ZNF195: variants seen among roughly 807,000 people sequenced by gnomAD.
ZNF195 encodes the protein hypoxia-regulated factor-1.
ZNF195 carries 11 observed loss-of-function variants against 19.5 expected under a neutral mutation model. The observed-to-expected ratio is 0.57, with a 90% confidence interval of 0.36 to 0.94. ZNF195 has a LOEUF of 0.94. Among genes scored for constraint, ZNF195 ranks in the 40% least tolerant of loss-of-function variants. The pLI, the probability that ZNF195 is intolerant of heterozygous loss-of-function variation, is 0.01. For synonymous variants in ZNF195, 214 were observed against 248.1 expected (o/e 0.86, Z 1.29); for missense variants, 582 against 709.0 (o/e 0.82, Z 2.03).
intron 3 of ZNF195, chr11:3,369,647 G>C (rs1192078228): frequency 3.4e-6 from 1 of 296,698 alleles, no homozygotes; most frequent in Non-Finnish European, 7.2e-6. Context: ...CAAAGACAGA[G>C]ACTGCACGTT....
chr11:3,376,391 G>T (rs1208537806), intron 1 of ZNF195, among the ~76,000 whole-genome samples: 4 of 152,078 alleles, frequency 2.6e-5, no homozygotes, highest in Admixed American at 1.3e-4. Context: ...TTACGAATTT[G>T]TGTTGGACCA....
intron 3 of ZNF195, chr11:3,367,269 G>A: frequency 1.8e-5 from 3 of 166,742 alleles, no homozygotes; most frequent in South Asian, 1.2e-4. Flanking sequence ...GAAAAAATGT[G>A]GTATATACAT....
chr11:3,359,903 G>A lies in ZNF195; in HGVS notation c.1105C>T (p.Leu369Phe), dbSNP rs1450842330. 1 of 1,614,188 alleles carries A rather than the reference G, an allele frequency of 6.2e-7. No homozygotes were observed. The highest frequency in any genetic ancestry group is 1.1e-5 in the South Asian group (1 of 91,088). ...GCAAGAATCATCTGTTGATTAGAAA[G>A]GCTTGAGCAAGAGATAAAGACACTG... ...CSSVFISCSSLSNQQMILAGE... is the reference protein window; with the variant it reads ...CSSVFISCSSFSNQQMILAGE... Residue 369 changes from leucine (L) to phenylalanine (F), a missense_variant, in exon 6 of 6, where the codon CTT becomes TTT. Leu to Phe is a conservative substitution (Grantham distance 22). Around this residue, in one of 3 missense-constraint regions of ZNF195, gnomAD observed 407 missense variants for 530.5 expected, o/e 0.77. Transcript: ENST00000399602. This position sits in a 1 kb window ranked among gnomAD's most constrained non-coding sequence, Gnocchi z 5.5.
At chr11:3,364,969 C>T (rs1194743757) in intron 3 of ZNF195, among the ~76,000 whole-genome samples, 1 of 152,052 alleles carries the variant, frequency 6.6e-6, no homozygotes, top group Non-Finnish European at 1.5e-5. Flanking sequence ...AAATTCCATG[C>T]AATTAGTAAC....
chr11:3,363,808 T>G (rs1026047607), intron 3 of ZNF195, among the ~76,000 whole-genome samples: 1 of 152,198 alleles, frequency 6.6e-6, no homozygotes, highest in African/African-American at 2.4e-5. Context: ...GGTACTGGTA[T>G]AAAGGCAGAC....
At chr11:3,377,758 A>T (rs1417698863) in intron 1 of ZNF195, 1 of 1,042,502 alleles carries the variant, frequency 9.6e-7, no homozygotes, top group African/African-American at 1.7e-5. Flanking sequence ...TCCAGCAGAC[A>T]TGGCCATGGT....
At chr11:3,372,989 C>G (rs866389144) in intron 1 of ZNF195, among the ~76,000 whole-genome samples, 2 of 152,242 alleles carry the variant, frequency 1.3e-5, no homozygotes, top group African/African-American at 4.8e-5. Context: ...CCACCTAGGC[C>G]TCCCAAAGTG....
At chr11:3,366,669 A>C (rs1848903226) in intron 3 of ZNF195, 1 of 88,168 alleles carries the variant, frequency 1.1e-5, no homozygotes, top group South Asian at 1.4e-4. Flanking sequence ...GAATGGCCAC[A>C]GTAAAAAAAA....
In ZNF195 at chr11:3,359,768, C is replaced by T. The variant is rs189086448; in HGVS notation, c.1240G>A (p.Glu414Lys). Residue 414 changes from glutamate to lysine, a missense_variant, in exon 6 of 6, where the codon GAA (glutamate) becomes AAA (lysine). This residue lies in a region of ZNF195 where 407 missense variants were observed against 530.5 expected (regional missense o/e 0.77). Transcript: ENST00000399602. This position sits in a 1 kb window ranked among gnomAD's most constrained non-coding sequence, Gnocchi z 5.5. ...EIGGKPFKCE[E>K]CDSIFKWFSD... Reference sequence around the variant, plus strand: ...AACCACTTGAAGATGCTGTCACATTCCTCACATTTGAAAGGTTTCCCTCCA... The same window carrying T: ...AACCACTTGAAGATGCTGTCACATTTCTCACATTTGAAAGGTTTCCCTCCA... The T allele has an allele frequency of 4.7e-4, 757 of 1,614,186 alleles. 11 individuals carry two copies. In the East Asian group the frequency reaches 0.014, roughly 30 times the overall value.
chr11:3,367,862 G>A (rs540366099), intron 3 of ZNF195, among the ~76,000 whole-genome samples: 1 of 151,978 alleles, frequency 6.6e-6, no homozygotes, highest in Admixed American at 6.5e-5. Flanking sequence ...ACCTGAGGTC[G>A]GGAGTTCGAG....
At chr11:3,377,943 A>G (rs990464224) in intron 1 of ZNF195, 38 of 813,540 alleles carry the variant, frequency 4.7e-5, no homozygotes, top group Non-Finnish European at 5.6e-5. Flanking sequence ...GACTTTTTAC[A>G]ATAGCGTCAG....
In ZNF195 at chr11:3,368,215, T is replaced by G. The variant is rs530742999; in HGVS notation, c.226+2760A>C. ...TGGAACAAAAGAGAAAGTGAAAATGTACAGGACAGTGACATAGAAAAATGG... is the reference window on the plus strand; with the variant it reads ...TGGAACAAAAGAGAAAGTGAAAATGGACAGGACAGTGACATAGAAAAATGG... On this transcript the variant is annotated intron_variant, in intron 3 of 5. Coordinates refer to ENST00000399602, the MANE Select transcript of ZNF195 (RefSeq NM_001130520.3). Among the ~76,000 whole-genome samples, 7 of 152,350 alleles carry G rather than the reference T, an allele frequency of 4.6e-5. No homozygotes were observed. In the South Asian group the frequency reaches 1.4e-3, roughly 32 times the overall value.
In ZNF195 at chr11:3,360,269, G is replaced by C; in HGVS notation, c.739C>G (p.Gln247Glu). ...ATTTGAAAGGATTTGCCACATTCTT[G>C]ACATTTGAAAGGTTTCTCTCCAGTA... is the stretch of plus-strand genomic sequence containing the variant. ...SNTGEKPFKC[Q>E]ECGKSFQMLS... The change falls in exon 6 of 6, where the codon CAA becomes GAA. Residue 247 changes from glutamine (Q) to glutamate (E), a missense_variant. By Grantham distance (29) the Gln-to-Glu change is conservative. Coordinates refer to ENST00000399602, the MANE Select transcript of ZNF195 (RefSeq NM_001130520.3). 6.2e-7 allele frequency: 1 copy of C among 1,613,172 alleles called. No homozygotes were observed. Among genetic ancestry groups the C allele is most frequent in the Admixed American group, 1.7e-5 (1 of 59,994 alleles).
chr11:3,362,613 C>A, intron 3 of ZNF195: 1 of 558,070 alleles, frequency 1.8e-6, no homozygotes, highest in Non-Finnish European at 3.2e-6. Flanking sequence ...CTATAAGACA[C>A]ACAAAAGAAA....
At chr11:3,374,152 G>A (rs1849345499) in intron 1 of ZNF195, among the ~76,000 whole-genome samples, 1 of 152,226 alleles carries the variant, frequency 6.6e-6, no homozygotes, top group Non-Finnish European at 1.5e-5. Flanking sequence ...AAGCCAGGCT[G>A]AGAACCATTT....
chr11:3,374,784 T>C (rs1849376387), intron 1 of ZNF195, among the ~76,000 whole-genome samples: 1 of 152,258 alleles, frequency 6.6e-6, no homozygotes, highest in African/African-American at 2.4e-5. Flanking sequence ...ACAGAGGGGA[T>C]GAAGTGTAGT....
At chr11:3,370,942 C>T in intron 3 of ZNF195, 33 bp downstream of exon 3, 1 of 1,611,730 alleles carries the variant, frequency 6.2e-7, no homozygotes, top group Non-Finnish European at 8.5e-7. Context: ...GGACCTCTCA[C>T]CTGGGTTACC....
In ZNF195 at chr11:3,360,090, G is replaced by C; in HGVS notation, c.918C>G (p.Asn306Lys). The change falls in exon 6 of 6, where the codon AAC becomes AAG. Residue 306 changes from asparagine to lysine, a missense_variant. This residue lies in a region of ZNF195 where 407 missense variants were observed against 530.5 expected (regional missense o/e 0.77). Transcript: ENST00000399602. The part of the protein sequence containing the change: ...GEKPYKCQEC[N>K]NVIKTCSVLT... ...GGACTGAGCAAGTTTTAATGACGTT[G>C]TTACATTCTTGACACTTGTAAGGTT... The C allele has an allele frequency of 6.2e-7, 1 of 1,614,102 alleles. No individual in the cohort carries two copies. Among genetic ancestry groups the C allele is most frequent in the Non-Finnish European group, 8.5e-7 (1 of 1,180,024 alleles).
intron 3 of ZNF195, chr11:3,368,987 T>C: frequency 3.0e-6 from 1 of 334,348 alleles, no homozygotes; most frequent in East Asian, 7.7e-5. Context: ...AGAAAACCTC[T>C]GATATTGGTC....
Sources: allele counts gnomAD v4.1 joint callset (sites outside exome capture counted in the v4.1 genomes callset), GRCh38; gene constraint gnomAD v4.1.1; regional missense constraint gnomAD v4.1.1; non-coding constraint Gnocchi (gnomAD v3.1); transcripts MANE v1.5; gene names NCBI Gene and HGNC (gene_info 2026-07-23, HGNC 2026-07-21).